Variants in BPTF observed in about 807,000 individuals in gnomAD.
The protein encoded by BPTF is nucleosome-remodeling factor subunit BPTF.
BPTF carries 18 observed loss-of-function variants against 292.5 expected under a neutral mutation model. The ratio of observed to expected loss-of-function variants is 0.06; its 90% CI spans 0.04 to 0.09. The LOEUF (loss-of-function observed/expected upper bound fraction) is 0.09, where lower values mean the gene tolerates loss of function less well. Among genes scored for constraint, BPTF ranks in the 10% least tolerant of loss-of-function variants. The pLI, the probability that BPTF is intolerant of heterozygous loss-of-function variation, is 1.00. For missense variants in BPTF, 2,726 were observed against 3,498.7 expected, an observed-to-expected ratio of 0.78 and a Z score of 5.57; for synonymous variants, 1,225 against 1,251.9, an observed-to-expected ratio of 0.98 and a Z score of 0.45.
intron 9 of BPTF, among the ~76,000 whole-genome samples, chr17:67,906,355 A>G (rs1470584250): frequency 6.6e-6 from 1 of 152,238 alleles, no homozygotes; most frequent in African/African-American, 2.4e-5. Context: ...CTGGGATTAC[A>G]GGTGTGACCA....
rs1403088933 is a variant in BPTF, at chr17:67,983,288, A to G, written c.*1000A>G. The G allele has an allele frequency of 3.3e-5, 5 of 152,604 alleles. No individual in the cohort carries two copies. Among genetic ancestry groups the G allele is most frequent in the African/African-American group, 1.2e-4 (5 of 41,448 alleles). The allele number at this position is 152,604 out of a possible 1,614,324, so 9.5% of individuals were successfully genotyped here. A position where few individuals can be genotyped will look rare whatever the true frequency, so the allele number is the denominator to read the frequency against. ...CAGGACAGCAGTGGCCCCTCGTTTT[A>G]TCATTCCCAGTCCATTGTCATCACG... On this transcript the variant is annotated 3_prime_UTR_variant, in exon 28 of 28. Transcript: ENST00000306378.
At chr17:67,980,405 G>A (rs2070201648) in intron 27 of BPTF, among the ~76,000 whole-genome samples, 1 of 152,194 alleles carries the variant, frequency 6.6e-6, no homozygotes, top group African/African-American at 2.4e-5. Context: ...TAGGGAGCCT[G>A]GATTTCAGAT....
At chr17:67,981,433 C>T (rs1258251174) in intron 27 of BPTF, 48 of 1,209,166 alleles carry the variant, frequency 4.0e-5, no homozygotes, top group Non-Finnish European at 5.0e-5. Context: ...TCTTTTCTTA[C>T]AGATTGTGAT....
intron 24 of BPTF, among the ~76,000 whole-genome samples, chr17:67,961,288 C>T (rs2067458431): frequency 6.6e-6 from 1 of 152,118 alleles, no homozygotes; most frequent in Admixed American, 6.6e-5. Flanking sequence ...TTATATTTTT[C>T]ATTTTGTCAT....
chr17:67,846,374 G>A (rs1221774293), intron 1 of BPTF, among the ~76,000 whole-genome samples: 2 of 152,114 alleles, frequency 1.3e-5, no homozygotes, highest in Non-Finnish European at 2.9e-5. Context: ...TTCACTTATT[G>A]TGTGGTAGTC....
intron 11 of BPTF, among the ~76,000 whole-genome samples, chr17:67,916,451 G>C (rs929623794): frequency 6.6e-6 from 1 of 152,034 alleles, no homozygotes; most frequent in Non-Finnish European, 1.5e-5. Flanking sequence ...TGAGCCCGGC[G>C]TGGTGGCGGG....
rs1017462944 is a variant in BPTF, at chr17:67,912,428, C to G, written c.4544C>G (p.Thr1515Arg). 1 of 1,613,550 alleles carries G rather than the reference C, an allele frequency of 6.2e-7. No homozygotes were observed. Among genetic ancestry groups the G allele is most frequent in the Non-Finnish European group, 8.5e-7 (1 of 1,179,916 alleles). ...ACCAAAGAGTCTGACAGTACACAGACGACCACACCCTCAGCATCTTGTCCA... is the reference window on the plus strand; with the variant it reads ...ACCAAAGAGTCTGACAGTACACAGAGGACCACACCCTCAGCATCTTGTCCA... The part of the protein sequence containing the change: ...PSTKESDSTQ[T>R]TTPSASCPES... Residue 1515 changes from threonine to arginine, a missense_variant, in exon 11 of 28, where the codon ACG becomes AGG. Around this residue, in one of 22 missense-constraint regions of BPTF, gnomAD observed 713 missense variants for 714.9 expected, o/e 1.00. Transcript: ENST00000306378.
intron 4 of BPTF, among the ~76,000 whole-genome samples, chr17:67,879,504 A>G (rs1027606771): frequency 3.9e-5 from 6 of 152,270 alleles, no homozygotes; most frequent in African/African-American, 1.4e-4. Context: ...CACTGTGAGA[A>G]GGTTATTATA....
chr17:67,901,212 A>T (rs2061814982), intron 7 of BPTF, among the ~76,000 whole-genome samples: 3 of 152,248 alleles, frequency 2.0e-5, no homozygotes, highest in Non-Finnish European at 4.4e-5. Flanking sequence ...TAGCTGTAGT[A>T]GCATTGCACA....
chr17:67,861,285 A>T (rs931405045), intron 2 of BPTF, among the ~76,000 whole-genome samples: 2 of 151,782 alleles, frequency 1.3e-5, no homozygotes, highest in African/African-American at 4.8e-5. Context: ...TCATTAGACT[A>T]GTCAGTCACC....
chr17:67,856,566 C>G lies in BPTF; in HGVS notation c.1436+1804C>G, dbSNP rs1480740053. Among the ~76,000 whole-genome samples, 4 of 152,144 alleles carry G rather than the reference C, an allele frequency of 2.6e-5. No homozygotes were observed. The East Asian group carries it at 7.7e-4, about 29-fold the overall frequency. On this transcript the variant is annotated intron_variant, in intron 2 of 27. Transcript: ENST00000306378. ...CTCTGAGCAAGTGGGTGGGCCTTAT[C>G]AATTTTGACTTAACCATTGGATGAT...
At chr17:67,957,416 C>A (rs1487013737) in intron 23 of BPTF, 2 of 151,678 alleles carry the variant, frequency 1.3e-5, no homozygotes, top group African/African-American at 4.8e-5. Flanking sequence ...ATAAATGTGT[C>A]GGATTTTGGC....
intron 24 of BPTF, among the ~76,000 whole-genome samples, chr17:67,963,784 G>C (rs542586405): frequency 1.3e-5 from 2 of 152,142 alleles, no homozygotes; most frequent in Admixed American, 1.3e-4. Context: ...GATTAAAATA[G>C]CCTGACTTGT....
At chr17:67,971,527 C>T (rs1265701582) in intron 26 of BPTF, among the ~76,000 whole-genome samples, 8 of 151,614 alleles carry the variant, frequency 5.3e-5, no homozygotes, top group South Asian at 2.1e-4. Context: ...ACTTTAGGGC[C>T]GGGCACGGTG....
intron 27 of BPTF, among the ~76,000 whole-genome samples, chr17:67,979,884 A>T (rs1455837296): frequency 1.3e-5 from 2 of 151,198 alleles, no homozygotes; most frequent in African/African-American, 4.9e-5. Flanking sequence ...ACACTAAAAT[A>T]AAAAAATTAG....
At position 67,912,503 on chromosome 17, in the gene BPTF, A is replaced by C; in HGVS notation, c.4619A>C (p.Glu1540Ala). Residue 1540 changes from glutamate (E) to alanine (A), a missense_variant, in exon 11 of 28, where the codon GAA becomes GCA. Physicochemically the swap from Glu to Ala is moderately radical, Grantham distance 107. Transcript: ENST00000306378. ...GAAGATATGGAAATAGAAACCTCAG[A>C]AGTTAAGAAAGTTACTTCATCACCT... The part of the protein sequence containing the change: ...QVEDMEIETS[E>A]VKKVTSSPIT... 1.2e-6 allele frequency: 2 copies of C among 1,614,022 alleles called. No individual in the cohort carries two copies. The highest frequency in any genetic ancestry group is 1.7e-6 in the Non-Finnish European group (2 of 1,179,976).
intron 27 of BPTF, among the ~76,000 whole-genome samples, chr17:67,978,199 G>C (rs1220444829): frequency 6.6e-6 from 1 of 151,532 alleles, no homozygotes; most frequent in South Asian, 2.1e-4. Flanking sequence ...TATGACCCAA[G>C]CTAATCTTGA....
At chr17:67,940,685 T>G in intron 19 of BPTF, 29 bp downstream of exon 19, 1 of 1,584,526 alleles carries the variant, frequency 6.3e-7, no homozygotes, top group South Asian at 1.1e-5. Flanking sequence ...ATTTTAACTT[T>G]AGAGGTGATC....
At chr17:67,904,932 C>T (rs899055430) in intron 9 of BPTF, 92 bp downstream of exon 9, 5 of 1,101,198 alleles carry the variant, frequency 4.5e-6, no homozygotes, top group South Asian at 4.6e-5. Flanking sequence ...TAGATAAAAA[C>T]ATTTTTCTGA....
Sources: allele counts gnomAD v4.1 joint callset (sites outside exome capture counted in the v4.1 genomes callset), GRCh38; gene constraint gnomAD v4.1.1; regional missense constraint gnomAD v4.1.1; transcripts MANE v1.5; gene names NCBI Gene and HGNC (gene_info 2026-07-23, HGNC 2026-07-21).